Variants in DET1 observed in about 807,000 individuals in gnomAD.
DET1 encodes DET1 homolog.
In DET1, 22 loss-of-function variants were observed where a neutral mutation model predicts 43.7. The observed-to-expected ratio is 0.50, with a 90% CI of 0.36 to 0.72. The LOEUF (loss-of-function observed/expected upper bound fraction) is 0.72. Ranked by LOEUF, DET1 falls within the 30% of genes least tolerant of loss-of-function variation. DET1 has a pLI of 0.00. For missense variants in DET1, 713 were observed against 713.3 expected (o/e 1.00, Z 0.00); for synonymous variants, 315 against 266.2 (o/e 1.18, Z -1.79).
chr15:88,525,957 T>G (rs1310388683), intron 3 of DET1, among the ~76,000 whole-genome samples: 7 of 151,318 alleles, frequency 4.6e-5, no homozygotes, highest in African/African-American at 1.7e-4. Flanking sequence ...ATTACAGGCA[T>G]GAGCCACCAC....
downstream of DET1, among the ~76,000 whole-genome samples, chr15:88,508,235 A>G (rs2056162632): frequency 6.6e-6 from 1 of 152,206 alleles, no homozygotes; most frequent in South Asian, 2.1e-4. Flanking sequence ...GGTGCAGAAT[A>G]AATGTAATGC....
intron 3 of DET1, among the ~76,000 whole-genome samples, chr15:88,522,270 A>C (rs2056511112): frequency 6.6e-6 from 1 of 152,152 alleles, no homozygotes; most frequent in South Asian, 2.1e-4. Flanking sequence ...CCAATCTAAA[A>C]ATTCATGTTC....
chr15:88,513,092 C>G lies in DET1; in HGVS notation c.1512G>C (p.Gly504=), dbSNP rs548006693. 6.2e-7 allele frequency: 1 copy of G among 1,613,906 alleles called. No individual in the cohort carries two copies. The highest frequency in any genetic ancestry group is 1.3e-5 in the African/African-American group (1 of 75,066). The change falls in exon 5 of 5, where the codon GGG becomes GGC. Residue 504 remains glycine, a synonymous_variant. Coordinates refer to ENST00000268148, the MANE Select transcript of DET1 (RefSeq NM_001144074.3). Reference sequence around the variant, plus strand: ...TGTGGTTGATGGGGCGGCCCAATAACCCCGCCTGGATCTCAAACTTGAGCA... The same window carrying G: ...TGTGGTTGATGGGGCGGCCCAATAAGCCCGCCTGGATCTCAAACTTGAGCA... The part of the protein sequence containing the change: ...SGLLKFEIQA[G]LLGRPINHTV...
chr15:88,542,753 G>T (rs150392631), intron 1 of DET1, among the ~76,000 whole-genome samples: 7 of 152,096 alleles, frequency 4.6e-5, no homozygotes, highest in African/African-American at 1.7e-4. Flanking sequence ...GAAAGGAAAG[G>T]CCCCCATTCC....
intron 3 of DET1, among the ~76,000 whole-genome samples, chr15:88,524,048 G>A (rs527978183): frequency 1.9e-4 from 29 of 149,392 alleles, no homozygotes; most frequent in Admixed American, 4.7e-4. Flanking sequence ...GTCTCTGCCC[G>A]GCCGCCCATC....
chr15:88,535,200 T>C (rs1320971620), intron 1 of DET1, among the ~76,000 whole-genome samples: 3 of 152,276 alleles, frequency 2.0e-5, no homozygotes, highest in East Asian at 1.9e-4. Flanking sequence ...GTAAAATATC[T>C]TTTAAAAATT....
At chr15:88,506,567 A>G (rs577481683) in intron 7 of DET1, among the ~76,000 whole-genome samples, 1,431 of 78,816 alleles carry the variant, frequency 0.018, 15 homozygotes, top group Non-Finnish European at 0.025. Context: ...CATTGCAGAG[A>G]ACCGTTTATG....
chr15:88,512,794 G>C lies in DET1; in HGVS notation c.*157C>G. 7.1e-7 allele frequency: 1 copy of C among 1,402,642 alleles called. No individual in the cohort carries two copies. 86.9% of individuals were successfully genotyped at this position (1,402,642 alleles called of 1,614,324 possible). ...TACAATTTAAAAATTCCATTAGGTT[G>C]AGCCACCCTCACTCCTCTCTCTGGC... On this transcript the variant is annotated 3_prime_UTR_variant, in exon 5 of 5. Transcript: ENST00000268148.
At chr15:88,508,025 T>A (rs2056160575), downstream of DET1, among the ~76,000 whole-genome samples, 1 of 152,192 alleles carries the variant, frequency 6.6e-6, no homozygotes, top group Non-Finnish European at 1.5e-5. Flanking sequence ...AACCGTATTG[T>A]GAACTGTGTA....
At chr15:88,507,832 T>C (rs1051100414), downstream of DET1, among the ~76,000 whole-genome samples, 2 of 152,182 alleles carry the variant, frequency 1.3e-5, no homozygotes, top group Non-Finnish European at 1.5e-5. Context: ...AGAACAGGGG[T>C]CCCTGATCCC....
intron 1 of DET1, chr15:88,536,502 G>C (rs938647890): frequency 3.7e-6 from 2 of 540,420 alleles, no homozygotes; most frequent in Admixed American, 7.1e-5. Context: ...CAAACTGGCC[G>C]GGTGCAGTGG....
chr15:88,534,243 T>C (rs1030125017), intron 1 of DET1, among the ~76,000 whole-genome samples: 4 of 152,164 alleles, frequency 2.6e-5, no homozygotes, highest in African/African-American at 9.7e-5. Flanking sequence ...CAACGGCATT[T>C]AGTGAAAAAC....
At chr15:88,524,921 C>T (rs1275874794) in intron 3 of DET1, among the ~76,000 whole-genome samples, 1 of 151,952 alleles carries the variant, frequency 6.6e-6, no homozygotes, top group East Asian at 1.9e-4. Flanking sequence ...TCCCCCTCTC[C>T]AAGAAACACC....
At chr15:88,523,021 G>A (rs555416131) in intron 3 of DET1, among the ~76,000 whole-genome samples, 19 of 151,640 alleles carry the variant, frequency 1.3e-4, no homozygotes, top group African/African-American at 3.6e-4. Flanking sequence ...TAGCTGAGCC[G>A]ACAGGCGCAT....
At chr15:88,513,793 CTTTTTTTTTTT>C (rs55855042) in intron 4 of DET1, among the ~76,000 whole-genome samples, 1 of 68,490 alleles carries the variant, frequency 1.5e-5, no homozygotes, top group African/African-American at 6.8e-5. Flanking sequence ...AGAATAAATT[CTTTTTTTTTTT>C]TTTTTTTTTT....
intron 1 of DET1, chr15:88,536,436 A>T (rs1197616064): frequency 1.5e-6 from 1 of 687,102 alleles, no homozygotes; most frequent in Non-Finnish European, 2.7e-6. Flanking sequence ...TTAATGGAGC[A>T]ACAATTGGTA....
rs117868661 is a variant in DET1 at position 88,545,260 on chromosome 15, T to C, written c.-11+1280A>G. 5.2e-3 allele frequency among the ~76,000 whole-genome samples: 798 copies of C among 152,268 alleles called. 7 individuals are homozygous for C. The highest frequency in any genetic ancestry group is 8.6e-3 in the Non-Finnish European group (585 of 68,026). ...ATTCCAGGATTTGATGTTGGGACTA[T>C]GTTCACCATCCAAAATAAATAAATA... On this transcript the variant is annotated intron_variant, in intron 1 of 4. Transcript: ENST00000268148.
downstream of DET1, chr15:88,511,632 T>C: frequency 1.0e-6 from 1 of 979,878 alleles, no homozygotes; most frequent in Non-Finnish European, 1.2e-6. Context: ...ATTATAATAA[T>C]CTGTCTATTT....
intron 3 of DET1, among the ~76,000 whole-genome samples, chr15:88,523,335 G>C (rs967651039): frequency 6.6e-6 from 1 of 152,074 alleles, no homozygotes; most frequent in Non-Finnish European, 1.5e-5. Context: ...TTTACCAAAA[G>C]ATTGCTGGGA....
Sources: gnomAD v4.1 joint callset for allele counts (sites outside exome capture counted in the v4.1 genomes callset) on GRCh38, gnomAD v4.1.1 for gene constraint, MANE v1.5 for transcripts, NCBI Gene and HGNC (gene_info 2026-07-23, HGNC 2026-07-21) for gene names.